CACNB4: variants seen among roughly 807,000 people sequenced by gnomAD.
CACNB4 encodes the protein calcium voltage-gated channel auxiliary subunit beta 4.
CACNB4 carries 32 observed loss-of-function variants against 71.2 expected under a neutral mutation model. The ratio of observed to expected loss-of-function variants is 0.45; its 90% CI spans 0.34 to 0.60. CACNB4 has a LOEUF of 0.60. Ranked by LOEUF, CACNB4 falls within the 20% of genes least tolerant of loss-of-function variation. CACNB4 has a pLI of 0.01. For missense variants in CACNB4, 464 were observed against 647.9 expected, an observed-to-expected ratio of 0.72 and a Z score of 3.08; for synonymous variants, 231 against 236.9, an observed-to-expected ratio of 0.97 and a Z score of 0.23.
chr2:152,088,738 C>G (rs1687810572), intron 2 of CACNB4, among the ~76,000 whole-genome samples: 1 of 152,164 alleles, frequency 6.6e-6, no homozygotes, highest in Admixed American at 6.5e-5. Flanking sequence ...ATCGTGAATG[C>G]CATCCCTTCA....
chr2:152,065,129 A>C (rs1488005518), intron 2 of CACNB4, among the ~76,000 whole-genome samples: 3 of 152,118 alleles, frequency 2.0e-5, no homozygotes, highest in East Asian at 3.9e-4. Flanking sequence ...CTTTAAGAGA[A>C]GTTAGCACTT....
At chr2:151,925,076 T>C (rs538085399) in intron 2 of CACNB4, among the ~76,000 whole-genome samples, 2 of 152,366 alleles carry the variant, frequency 1.3e-5, no homozygotes, top group East Asian at 3.9e-4. Context: ...GAATATCCAT[T>C]GGATTTTATT....
At chr2:152,044,251 T>C (rs2105260511) in intron 2 of CACNB4, among the ~76,000 whole-genome samples, 1 of 152,338 alleles carries the variant, frequency 6.6e-6, no homozygotes, top group South Asian at 2.1e-4. Flanking sequence ...GACGGAGTCT[T>C]GCTCTGTCGC....
intron 2 of CACNB4, among the ~76,000 whole-genome samples, chr2:152,001,142 T>C (rs552247320): frequency 6.2e-4 from 94 of 152,278 alleles, no homozygotes; most frequent in African/African-American, 2.2e-3. Flanking sequence ...GGTCAGTAAG[T>C]AGCAGTCAGG....
intron 2 of CACNB4, among the ~76,000 whole-genome samples, chr2:152,027,575 C>A (rs999969849): frequency 3.3e-5 from 5 of 152,162 alleles, no homozygotes; most frequent in Non-Finnish European, 7.3e-5. Context: ...ACCACACAAG[C>A]TTTGGCCCCA....
At chr2:152,061,629 T>C (rs1302654446) in intron 2 of CACNB4, among the ~76,000 whole-genome samples, 4 of 142,992 alleles carry the variant, frequency 2.8e-5, no homozygotes, top group African/African-American at 1.1e-4. Context: ...CTGTGATTTC[T>C]GCTTCTCAAA....
chr2:152,036,840 T>C (rs757053075), intron 2 of CACNB4, among the ~76,000 whole-genome samples: 1 of 152,146 alleles, frequency 6.6e-6, no homozygotes, highest in South Asian at 2.1e-4. Flanking sequence ...TGCCTTCTAG[T>C]GTAACATAGA....
intron 2 of CACNB4, chr2:151,883,744 A>G: frequency 3.3e-6 from 1 of 302,470 alleles, no homozygotes; most frequent in Non-Finnish European, 6.3e-6. Context: ...GACTCAGCTT[A>G]TTACAAAAGA....
In CACNB4 at chr2:151,841,948, G is replaced by A. The variant is rs1397702639; in HGVS notation, c.1257C>T (p.Gly419=). ...TGGGATATGGTGAGAGTGCCGTGGAGCCCAAATTCCTTCCCAGCAGCGGGG... is the reference window on the plus strand; with the variant it reads ...TGGGATATGGTGAGAGTGCCGTGGAACCCAAATTCCTTCCCAGCAGCGGGG... ...PMTPLLGRNL[G]STALSPYPTA... The change falls in exon 13 of 14, where the codon GGC becomes GGT. Residue 419 remains glycine, a synonymous_variant. Transcript: ENST00000539935. 15 of 1,613,790 alleles carry A rather than the reference G, an allele frequency of 9.3e-6. No homozygotes were observed. Among genetic ancestry groups the A allele is most frequent in the Non-Finnish European group, 3.4e-6 (4 of 1,179,884 alleles).
In CACNB4 at chr2:151,834,986, C is replaced by T. The variant is rs1427266966; in HGVS notation, c.*4133G>A. 3 of 151,824 alleles carry T rather than the reference C, an allele frequency of 2.0e-5. No homozygotes were observed. The highest frequency in any genetic ancestry group is 7.2e-5 in the African/African-American group (3 of 41,388). 9.4% of individuals were successfully genotyped at this position (151,824 alleles called of 1,614,324 possible). ...AGGGGTACATAGCATTTATTTGAAA[C>T]ATTGATATGAAGTTTATTCCAATTA... On this transcript the variant is annotated 3_prime_UTR_variant, in exon 14 of 14. Transcript: ENST00000539935.
intron 2 of CACNB4, chr2:151,967,948 T>C (rs1579022102): frequency 6.6e-6 from 1 of 152,164 alleles, no homozygotes; most frequent in Non-Finnish European, 1.5e-5. Flanking sequence ...TAAAAGAATA[T>C]AAAATGTAGA....
intron 2 of CACNB4, among the ~76,000 whole-genome samples, chr2:151,901,131 C>A (rs2099853326): frequency 6.6e-6 from 1 of 151,752 alleles, no homozygotes; most frequent in Admixed American, 6.6e-5. Context: ...GTAGATGGAA[C>A]TACAGGTGTG....
rs377050946 is a variant in CACNB4 at position 152,054,257 on chromosome 2, A to T, written c.147+44073T>A. Among the ~76,000 whole-genome samples the T allele has an allele frequency of 9.6e-4, 145 of 151,266 alleles. 2 individuals carry two copies. The East Asian group carries it at 0.023, about 24-fold the overall frequency. On this transcript the variant is annotated intron_variant, in intron 2 of 13. Transcript: ENST00000539935. ...GGCGCGCGCCTGTAGTCCCAGCTACACGGGAGGCTGAGGCAGGAGAATGGC... is the reference window on the plus strand; with the variant it reads ...GGCGCGCGCCTGTAGTCCCAGCTACTCGGGAGGCTGAGGCAGGAGAATGGC...
intron 12 of CACNB4, chr2:151,851,410 T>C (rs936970429): frequency 2.0e-5 from 3 of 152,208 alleles, no homozygotes; most frequent in African/African-American, 4.8e-5. Context: ...TTACCAATTA[T>C]ATAAAAAGAT....
intron 2 of CACNB4, among the ~76,000 whole-genome samples, chr2:152,066,673 T>C (rs13431460): frequency 0.25 from 37,877 of 149,636 alleles, 5,091 homozygotes; most frequent in Middle Eastern, 0.42. Context: ...TAAATCATGC[T>C]GCTATAAAGA....
chr2:152,005,761 G>A (rs1053030934), intron 2 of CACNB4, among the ~76,000 whole-genome samples: 1 of 152,214 alleles, frequency 6.6e-6, no homozygotes, highest in Non-Finnish European at 1.5e-5. Flanking sequence ...AATTCTAAGT[G>A]CAAGTGCAAC....
At chr2:152,025,315 G>A (rs1683902206) in intron 2 of CACNB4, among the ~76,000 whole-genome samples, 1 of 152,124 alleles carries the variant, frequency 6.6e-6, no homozygotes, top group Non-Finnish European at 1.5e-5. Flanking sequence ...GTCATAAAAA[G>A]TGTAATAGCT....
chr2:152,020,837 G>A (rs1377153745), intron 2 of CACNB4, among the ~76,000 whole-genome samples: 3 of 152,024 alleles, frequency 2.0e-5, no homozygotes, highest in East Asian at 1.9e-4. Flanking sequence ...ACCTAACCTC[G>A]GGCACCTAAA....
At chr2:151,960,043 T>C (rs2099869251) in intron 2 of CACNB4, among the ~76,000 whole-genome samples, 1 of 152,242 alleles carries the variant, frequency 6.6e-6, no homozygotes, top group African/African-American at 2.4e-5. Context: ...ATTTGAGTTA[T>C]AAAAATTAGA....
Sources: allele counts gnomAD v4.1 joint callset (sites outside exome capture counted in the v4.1 genomes callset), GRCh38; gene constraint gnomAD v4.1.1; transcripts MANE v1.5; gene names NCBI Gene and HGNC (gene_info 2026-07-23, HGNC 2026-07-21).